UNC13C: variants seen among roughly 807,000 people sequenced by gnomAD.
UNC13C encodes the protein protein unc-13 homolog C.
In UNC13C, 174 loss-of-function variants were observed where a neutral mutation model predicts 245.4. That is an observed-to-expected ratio of 0.71 (90% CI 0.63 to 0.80). The LOEUF (loss-of-function observed/expected upper bound fraction) is 0.80, where lower values mean the gene tolerates loss of function less well. Ranked by LOEUF, UNC13C falls within the 30% of genes least tolerant of loss-of-function variation. UNC13C has a pLI of 0.00. For missense variants in UNC13C, 2,829 were observed against 2,602.9 expected, an observed-to-expected ratio of 1.09 and a Z score of -1.89; for synonymous variants, 992 against 895.1, an observed-to-expected ratio of 1.11 and a Z score of -1.93.
chr15:54,306,497 C>A (rs943276435), intron 13 of UNC13C, among the ~76,000 whole-genome samples: 1 of 151,858 alleles, frequency 6.6e-6, no homozygotes, highest in Non-Finnish European at 1.5e-5. Context: ...TTTGGGAGTT[C>A]TTGATGCTTT....
chr15:54,478,800 G>A (rs1257067965), intron 19 of UNC13C, among the ~76,000 whole-genome samples: 1 of 152,058 alleles, frequency 6.6e-6, no homozygotes, highest in Non-Finnish European at 1.5e-5. Context: ...GATTTGGGGT[G>A]GAGAGTTCTG....
the UNC13C span, among the ~76,000 whole-genome samples, chr15:53,854,364 C>G: frequency 6.6e-6 from 1 of 151,808 alleles, no homozygotes. Flanking sequence ...CGTGATCCAC[C>G]TGCCTTAGCC....
At chr15:54,532,716 A>C (rs1238943972) in intron 25 of UNC13C, among the ~76,000 whole-genome samples, 2 of 152,112 alleles carry the variant, frequency 1.3e-5, no homozygotes, top group Admixed American at 1.3e-4. Context: ...GAAGAACAGC[A>C]CTTTTATCTG....
At chr15:54,158,794 C>G (rs148290992) in intron 4 of UNC13C, among the ~76,000 whole-genome samples, 1 of 151,746 alleles carries the variant, frequency 6.6e-6, no homozygotes, top group Non-Finnish European at 1.5e-5. Flanking sequence ...AGACCACAGG[C>G]GCATGCTACC....
At chr15:54,355,278 A>G (rs559799591) in intron 17 of UNC13C, among the ~76,000 whole-genome samples, 1 of 152,218 alleles carries the variant, frequency 6.6e-6, no homozygotes, top group Non-Finnish European at 1.5e-5. Context: ...AGCAAGAATT[A>G]GAATTATTTC....
At chr15:54,530,691 C>G (rs541249666) in intron 25 of UNC13C, among the ~76,000 whole-genome samples, 6 of 152,172 alleles carry the variant, frequency 3.9e-5, no homozygotes, top group Admixed American at 3.9e-4. Context: ...CCAAGAGAGC[C>G]ATGAGAATTT....
intron 30 of UNC13C, among the ~76,000 whole-genome samples, chr15:54,572,297 C>T (rs1286544671): frequency 6.6e-6 from 1 of 151,698 alleles, no homozygotes; most frequent in East Asian, 1.9e-4. Flanking sequence ...AAATACAGAA[C>T]TAATTAATGA....
Position 54,627,013 on chromosome 15 carries a change from TG to T in UNC13C, c.6546del (p.Thr2183LeufsTer19). The T allele has an allele frequency of 6.2e-7, 1 of 1,613,426 alleles. No homozygotes were observed. The highest frequency in any genetic ancestry group is 8.5e-7 in the Non-Finnish European group (1 of 1,179,588). The stretch of plus-strand genomic sequence containing the variant: ...AATATCTCTATGGATGAAACTGGTT[TG>T]ACTATCCTTAGAATACTCTCTCAGA... ...LKNISMDETG[L>X]TILRILSQRT... On this transcript the variant is annotated frameshift_variant, in exon 33 of 33. Coordinates refer to ENST00000260323, the MANE Select transcript of UNC13C (RefSeq NM_001080534.3). LOFTEE classifies it high-confidence loss of function.
chr15:54,088,323 C>T (rs1449243527), intron 2 of UNC13C, among the ~76,000 whole-genome samples: 1 of 150,410 alleles, frequency 6.6e-6, no homozygotes, highest in Non-Finnish European at 1.5e-5. Context: ...CCTTGTGTAT[C>T]CTCTTCCAGT....
At chr15:54,477,400 A>G (rs1384274658) in intron 19 of UNC13C, among the ~76,000 whole-genome samples, 1 of 105,000 alleles carries the variant, frequency 9.5e-6, no homozygotes, top group South Asian at 3.6e-4. Flanking sequence ...TTTCAAAGGG[A>G]ATGCTTCCAG....
chr15:54,025,308 C>A (rs1366419179), intron 2 of UNC13C, among the ~76,000 whole-genome samples: 1 of 152,166 alleles, frequency 6.6e-6, no homozygotes, highest in Non-Finnish European at 1.5e-5. Flanking sequence ...TTGGCACACA[C>A]AAACACATAC....
chr15:54,537,121 T>C (rs1207983859), intron 26 of UNC13C, among the ~76,000 whole-genome samples: 1 of 152,028 alleles, frequency 6.6e-6, no homozygotes, highest in East Asian at 1.9e-4. Context: ...TAAACAACTT[T>C]AGCAAAGTTT....
intron 2 of UNC13C, among the ~76,000 whole-genome samples, chr15:54,052,742 G>T (rs1036377932): frequency 1.3e-5 from 2 of 152,132 alleles, no homozygotes; most frequent in African/African-American, 2.4e-5. Flanking sequence ...TGTAAAGGTT[G>T]TGCTTTAATC....
chr15:53,965,567 TTTA>T, the UNC13C span, among the ~76,000 whole-genome samples: 6 of 128,850 alleles, frequency 4.7e-5, no homozygotes, highest in East Asian at 2.3e-4. Flanking sequence ...TATTTATTTA[TTTA>T]TTATTATTAT....
the UNC13C span, among the ~76,000 whole-genome samples, chr15:53,897,422 T>C: frequency 3.9e-5 from 6 of 152,330 alleles, no homozygotes; most frequent in South Asian, 1.2e-3. Flanking sequence ...GCAACAATAA[T>C]TTTATACATA....
intron 30 of UNC13C, among the ~76,000 whole-genome samples, chr15:54,588,878 C>T (rs903033846): frequency 6.6e-5 from 10 of 152,152 alleles, no homozygotes; most frequent in African/African-American, 1.9e-4. Context: ...TTTATCCACT[C>T]GTTGATTGAT....
intron 2 of UNC13C, among the ~76,000 whole-genome samples, chr15:54,116,181 TGATA>T (rs1340432856): frequency 6.6e-6 from 1 of 152,164 alleles, no homozygotes; most frequent in Non-Finnish European, 1.5e-5. Context: ...AAGGTACATG[TGATA>T]ATCTAGCACT....
intron 4 of UNC13C, among the ~76,000 whole-genome samples, chr15:54,191,569 A>G (rs989851802): frequency 6.6e-6 from 1 of 152,098 alleles, no homozygotes; most frequent in African/African-American, 2.4e-5. Flanking sequence ...TATACCCAGT[A>G]AATGGGATTG....
At chr15:54,299,862 G>A (rs1432336230) in intron 12 of UNC13C, among the ~76,000 whole-genome samples, 1 of 152,118 alleles carries the variant, frequency 6.6e-6, no homozygotes, top group Non-Finnish European at 1.5e-5. Flanking sequence ...TTGAGAACCT[G>A]TGCCTTATTT....
Sources: allele counts gnomAD v4.1 joint callset (sites outside exome capture counted in the v4.1 genomes callset), GRCh38; gene constraint gnomAD v4.1.1; transcripts MANE v1.5; gene names NCBI Gene and HGNC (gene_info 2026-07-23, HGNC 2026-07-21).